Variants in LRP8 observed in about 807,000 individuals in gnomAD.
The protein encoded by LRP8 is LDL receptor related protein 8.
In LRP8, 46 loss-of-function variants were observed where a neutral mutation model predicts 111.6. That is an observed-to-expected ratio of 0.41 (90% CI 0.33 to 0.53). The LOEUF (loss-of-function observed/expected upper bound fraction) is 0.53. LRP8 is among the 20% of genes least tolerant of loss of function. The pLI, the probability that LRP8 is intolerant of heterozygous loss-of-function variation, is 0.20. For missense variants in LRP8, 959 were observed against 1,297.4 expected, an observed-to-expected ratio of 0.74 and a Z score of 4.01; for synonymous variants, 464 against 511.2, an observed-to-expected ratio of 0.91 and a Z score of 1.24.
In LRP8 at chr1:53,293,985, C is replaced by T. The variant is rs898672993; in HGVS notation, c.245-4296G>A. The stretch of plus-strand genomic sequence containing the variant: ...CGTTCAGTGCAATGAGCCCAATAGT[C>T]CCTCGTGAAGAGACCATATCAGCCC... On this transcript the variant is annotated intron_variant, in intron 2 of 18. Transcript: ENST00000306052. This position sits in a 1 kb window ranked among gnomAD's most constrained non-coding sequence, Gnocchi z 4.9. Among the ~76,000 whole-genome samples the T allele has an allele frequency of 5.3e-5, 8 of 152,212 alleles. No homozygotes were observed. The highest frequency in any genetic ancestry group is 4.4e-5 in the Non-Finnish European group (3 of 68,040).
intron 18 of LRP8, among the ~76,000 whole-genome samples, chr1:53,247,682 G>A (rs894157451): frequency 4.6e-5 from 7 of 152,152 alleles, no homozygotes; most frequent in Admixed American, 1.3e-4. Context: ...ATTCCATTGT[G>A]GACAACAGAT....
intron 3 of LRP8, among the ~76,000 whole-genome samples, chr1:53,287,252 C>T (rs1168061893): frequency 6.6e-6 from 1 of 152,182 alleles, no homozygotes; most frequent in African/African-American, 2.4e-5. Context: ...TCCTGCTGCC[C>T]CAAATTCTGC....
chr1:53,311,477 C>T (rs1429837905), intron 2 of LRP8, among the ~76,000 whole-genome samples: 17 of 152,180 alleles, frequency 1.1e-4, no homozygotes, highest in South Asian at 2.1e-4. Flanking sequence ...CAACTCTGCC[C>T]GCCTGTGGTG....
intron 18 of LRP8, among the ~76,000 whole-genome samples, chr1:53,248,185 C>T (rs1351871991): frequency 6.6e-6 from 1 of 152,178 alleles, no homozygotes; most frequent in Non-Finnish European, 1.5e-5. Context: ...TAGTATCTCC[C>T]ATCTCTGGAC....
At chr1:53,302,856 A>ATT (rs769628078) in intron 2 of LRP8, among the ~76,000 whole-genome samples, 12 of 126,588 alleles carry the variant, frequency 9.5e-5, no homozygotes, top group African/African-American at 1.8e-4. Flanking sequence ...CACCCAGCTA[A>ATT]TTTTTTTTTT....
rs774353825 is a variant in LRP8 at position 53,244,055 on chromosome 1, C to A, written c.*2963G>T. The A allele has an allele frequency of 1.3e-5, 2 of 152,166 alleles. No homozygotes were observed. Among genetic ancestry groups the A allele is most frequent in the Admixed American group, 6.5e-5 (1 of 15,268 alleles). The allele number at this position is 152,166 out of a possible 1,614,324, so 9.4% of individuals were successfully genotyped here. On this transcript the variant is annotated 3_prime_UTR_variant, in exon 19 of 19. Transcript: ENST00000306052. ...AGGACTTACTGCCATACATTTAAAT[C>A]CGATCTCATTCTCTTTTTGCCAGTT... is the stretch of plus-strand genomic sequence containing the variant.
chr1:53,318,983 G>A (rs1471585421), intron 2 of LRP8, among the ~76,000 whole-genome samples: 1 of 152,128 alleles, frequency 6.6e-6, no homozygotes, highest in Non-Finnish European at 1.5e-5. Flanking sequence ...CATTACAAGT[G>A]TAAAGTTACT....
chr1:53,259,847 T>C (rs1336515086), intron 13 of LRP8, among the ~76,000 whole-genome samples: 1 of 152,244 alleles, frequency 6.6e-6, no homozygotes, highest in Non-Finnish European at 1.5e-5. Context: ...TTTAAATTTC[T>C]AGGTCTAGAA....
In LRP8 at chr1:53,246,949, G is replaced by T; in HGVS notation, c.*69C>A. 1 of 1,395,058 alleles carries T rather than the reference G, an allele frequency of 7.2e-7. No homozygotes were observed. Among genetic ancestry groups the T allele is most frequent in the Non-Finnish European group, 1.0e-6 (1 of 988,606 alleles). The allele number at this position is 1,395,058 out of a possible 1,614,324, so 86.4% of individuals were successfully genotyped here. A position where few individuals can be genotyped will look rare whatever the true frequency, so the allele number is the denominator to read the frequency against. On this transcript the variant is annotated 3_prime_UTR_variant, in exon 19 of 19. Coordinates refer to ENST00000306052, the MANE Select transcript of LRP8 (RefSeq NM_004631.5). ...CCATATATAGAAACCCATTCATCCA[G>T]TCATACACCATCCAGAGTGTAGTGC...
chr1:53,282,847 A>G (rs1647158968), intron 3 of LRP8, among the ~76,000 whole-genome samples: 1 of 152,174 alleles, frequency 6.6e-6, no homozygotes, highest in African/African-American at 2.4e-5. Flanking sequence ...AAAGTGATAC[A>G]GATGTTCCAT....
At chr1:53,277,285 T>A (rs1291420891) in intron 4 of LRP8, among the ~76,000 whole-genome samples, 1 of 152,182 alleles carries the variant, frequency 6.6e-6, no homozygotes, top group African/African-American at 2.4e-5. Context: ...ACCTGCCCTT[T>A]GTGAGCCCCC....
chr1:53,256,582 A>G (rs1223226628), intron 15 of LRP8, among the ~76,000 whole-genome samples: 2 of 152,244 alleles, frequency 1.3e-5, no homozygotes, highest in African/African-American at 4.8e-5. Flanking sequence ...ATGTAGGGGA[A>G]AAAATTAAAA....
intron 2 of LRP8, among the ~76,000 whole-genome samples, chr1:53,296,766 C>A (rs1166873067): frequency 6.6e-6 from 1 of 152,216 alleles, no homozygotes; most frequent in African/African-American, 2.4e-5. Context: ...CCCAGAGCAA[C>A]CTGCACCCCA....
intron 2 of LRP8, among the ~76,000 whole-genome samples, chr1:53,311,470 C>T (rs991101373): frequency 4.6e-5 from 7 of 152,174 alleles, no homozygotes; most frequent in Admixed American, 3.9e-4. Flanking sequence ...CCTCCCCCAA[C>T]TCTGCCCGCC....
At chr1:53,326,553 C>A (rs901180508) in intron 2 of LRP8, among the ~76,000 whole-genome samples, 1 of 152,252 alleles carries the variant, frequency 6.6e-6, no homozygotes, top group African/African-American at 2.4e-5. Flanking sequence ...GGAAGCTAGA[C>A]CTTTGCAGGG....
intron 4 of LRP8, among the ~76,000 whole-genome samples, chr1:53,277,399 A>G (rs1646960891): frequency 6.6e-6 from 1 of 152,166 alleles, no homozygotes; most frequent in African/African-American, 2.4e-5. Context: ...TGGTCCCAGG[A>G]CATGATCTGT....
At chr1:53,272,535 C>A in intron 6 of LRP8, 1 of 1,278,228 alleles carries the variant, frequency 7.8e-7, no homozygotes, top group Non-Finnish European at 1.0e-6. Context: ...CTGCCCACCC[C>A]AGGCCATGCA....
chr1:53,312,580 A>C (rs11810391), intron 2 of LRP8, among the ~76,000 whole-genome samples: 16,389 of 150,582 alleles, frequency 0.11, 2,437 homozygotes, highest in African/African-American at 0.33. Context: ...CTGGCCTTGA[A>C]CTCCCGGCCT....
intron 2 of LRP8, among the ~76,000 whole-genome samples, chr1:53,301,134 G>C (rs941415210): frequency 2.6e-5 from 4 of 152,206 alleles, no homozygotes; most frequent in African/African-American, 9.6e-5. Context: ...CTCAGGGCAG[G>C]TGCTCAATGG....
Sources: allele counts gnomAD v4.1 joint callset (sites outside exome capture counted in the v4.1 genomes callset), GRCh38; gene constraint gnomAD v4.1.1; non-coding constraint Gnocchi (gnomAD v3.1); transcripts MANE v1.5; gene names NCBI Gene and HGNC (gene_info 2026-07-23, HGNC 2026-07-21).